The following MRPS18C variants were observed in gnomAD, a reference collection of about 807,000 sequenced individuals.
MRPS18C encodes small ribosomal subunit protein bS18m.
Under a neutral mutation model 21.0 loss-of-function variants are expected in MRPS18C, and 21 were observed. The ratio of observed to expected loss-of-function variants is 1.00; its 90% confidence interval spans 0.71 to 1.44. The LOEUF (loss-of-function observed/expected upper bound fraction) is 1.44, where lower values mean the gene tolerates loss of function less well. Among genes scored for constraint, MRPS18C ranks in the 40% most tolerant of loss-of-function variants. The probability of loss-of-function intolerance (pLI) is 0.00; values close to 1 mark genes in which losing one functional copy is unlikely to be tolerated. For missense variants in MRPS18C, 152 were observed against 171.5 expected, an observed-to-expected ratio of 0.89 and a Z score of 0.64; for synonymous variants, 65 against 54.3, an observed-to-expected ratio of 1.20 and a Z score of -0.87.
At position 83,461,037 on chromosome 4, in the gene MRPS18C, G is replaced by C. The variant is rs750295282; in HGVS notation, c.352+5G>C. 30 of 1,612,798 alleles carry C rather than the reference G, an allele frequency of 1.9e-5. No individual in the cohort carries two copies. The highest frequency in any genetic ancestry group is 1.5e-4 in the South Asian group (14 of 90,940). On this transcript the variant is annotated splice_donor_5th_base_variant and intron_variant, in intron 5 of 5. Coordinates refer to ENST00000295491, the MANE Select transcript of MRPS18C (RefSeq NM_016067.4). ...TTAAGAGAGCTCAAATAATGGGTAA[G>C]AAAGAATACCTCAACAACTGAATTG... is the stretch of plus-strand genomic sequence containing the variant.
At position 83,462,164 on chromosome 4, in the gene MRPS18C, A is replaced by G. The variant is rs2110032413; in HGVS notation, c.*967A>G. 3.1e-5 allele frequency: 10 copies of G among 317,694 alleles called. 1 individual carries two copies. In the South Asian group the frequency reaches 6.4e-4, roughly 20 times the overall value. The allele number at this position is 317,694 out of a possible 1,614,324, so 19.7% of individuals were successfully genotyped here. Reference sequence around the variant, plus strand: ...TGACTTGTCTTCCCTAAGTGCTGGGATTACAGGTGTGAGCCACTGTGCCTG... The same window carrying G: ...TGACTTGTCTTCCCTAAGTGCTGGGGTTACAGGTGTGAGCCACTGTGCCTG... On this transcript the variant is annotated 3_prime_UTR_variant, in exon 6 of 6. Coordinates refer to ENST00000295491, the MANE Select transcript of MRPS18C (RefSeq NM_016067.4).
In MRPS18C at chr4:83,461,340, T is replaced by TA. The variant is rs1722105801; in HGVS notation, c.*145dup. On this transcript the variant is annotated 3_prime_UTR_variant, in exon 6 of 6. Coordinates refer to ENST00000295491, the MANE Select transcript of MRPS18C (RefSeq NM_016067.4). ...ACTTCCCCTTCATACCAATGTCCAT[T>TA]AAGCAGATTGCTTATTTAAAATGTT... The TA allele has an allele frequency of 4.6e-6, 3 of 654,010 alleles. No homozygotes were observed. Among genetic ancestry groups the TA allele is most frequent in the African/African-American group, 1.8e-5 (1 of 55,268 alleles). 40.5% of individuals were successfully genotyped at this position (654,010 alleles called of 1,614,324 possible).
In MRPS18C at chr4:83,461,162, G is replaced by T; in HGVS notation, c.394G>T (p.Asp132Tyr). The change falls in exon 6 of 6, where the codon GAC becomes TAC. Residue 132 changes from aspartate to tyrosine, a missense_variant. Physicochemically the swap from Asp to Tyr is radical, Grantham distance 160 (BLOSUM62 -3). Around this residue, in one of 2 missense-constraint regions of MRPS18C, gnomAD observed 34 missense variants for 67.1 expected, o/e 0.51. Transcript: ENST00000295491. The part of the protein sequence containing the change: ...VTYKDPAYLK[D>Y]PKVCNIRYRE ...ATACAAGGATCCTGCATATCTCAAGGACCCTAAAGTTTGTAACATCAGATA... is the reference window on the plus strand; with the variant it reads ...ATACAAGGATCCTGCATATCTCAAGTACCCTAAAGTTTGTAACATCAGATA... The T allele has an allele frequency of 6.2e-7, 1 of 1,612,962 alleles. No individual in the cohort carries two copies. Among genetic ancestry groups the T allele is most frequent in the South Asian group, 1.1e-5 (1 of 91,006 alleles).
In MRPS18C at chr4:83,459,713, TCCCCTCC is replaced by T; in HGVS notation, c.235-26_235-20del. 1 of 1,591,194 alleles carries T rather than the reference TCCCCTCC, an allele frequency of 6.3e-7. No homozygotes were observed. Among genetic ancestry groups the T allele is most frequent in the Admixed American group, 1.8e-5 (1 of 57,124 alleles). ...GAAATAAATAACAGATACTTTTTTT[TCCCCTCC>T]ACATAAAACTCCAAAACAGCTTTTG... On this transcript the variant is annotated intron_variant, in intron 3 of 5. Coordinates refer to ENST00000295491, the MANE Select transcript of MRPS18C (RefSeq NM_016067.4).
At chr4:83,458,645 T>C (rs1205669062) in intron 3 of MRPS18C, 1 of 405,920 alleles carries the variant, frequency 2.5e-6, no homozygotes, top group South Asian at 3.3e-5. Flanking sequence ...ATTTCCACTC[T>C]GTTTTTTTCA....
At position 83,461,138 on chromosome 4, in the gene MRPS18C, T is replaced by C; in HGVS notation, c.370T>C (p.Tyr124His). 2.5e-6 allele frequency: 4 copies of C among 1,613,634 alleles called. No individual in the cohort carries two copies. The highest frequency in any genetic ancestry group is 3.4e-6 in the Non-Finnish European group (4 of 1,179,858). Residue 124 changes from tyrosine to histidine, a missense_variant, in exon 6 of 6, where the codon TAC becomes CAC. This residue lies in a region of MRPS18C where 34 missense variants were observed against 67.1 expected (regional missense o/e 0.51). Transcript: ENST00000295491. The part of the protein sequence containing the change: ...AQIMGFMPVT[Y>H]KDPAYLKDPK... Reference sequence around the variant, plus strand: ...CTTTACAGGGTTTATGCCAGTTACATACAAGGATCCTGCATATCTCAAGGA... The same window carrying C: ...CTTTACAGGGTTTATGCCAGTTACACACAAGGATCCTGCATATCTCAAGGA...
chr4:83,460,716 C>T (rs575476249), intron 4 of MRPS18C: 46 of 390,198 alleles, frequency 1.2e-4, no homozygotes, highest in African/African-American at 9.4e-4. Flanking sequence ...CCAGCCTGGC[C>T]AATATGGTGA....
In MRPS18C at chr4:83,458,440, G is replaced by C; in HGVS notation, c.234+11G>C. ...TATAAGAATGTACAGGTGAGATCTG[G>C]TTTTACTTCACTATATTTTAGGGTT... On this transcript the variant is annotated intron_variant, in intron 3 of 5. Transcript: ENST00000295491. 1 of 1,556,024 alleles carries C rather than the reference G, an allele frequency of 6.4e-7. No homozygotes were observed. Among genetic ancestry groups the C allele is most frequent in the East Asian group, 2.3e-5 (1 of 43,908 alleles).
intron 4 of MRPS18C, chr4:83,460,398 A>G (rs1243490993): frequency 6.6e-6 from 1 of 152,022 alleles, no homozygotes; most frequent in South Asian, 2.1e-4. Flanking sequence ...CAGGTGATCC[A>G]CCTGCCTAGG....
intron 4 of MRPS18C, 190 bp from the exon 5 acceptor site, chr4:83,460,783 G>A (rs1722066382): frequency 3.6e-6 from 2 of 554,502 alleles, no homozygotes; most frequent in African/African-American, 1.9e-5. Context: ...GTGCATGCCT[G>A]TAATTCCAGT....
intron 1 of MRPS18C, 66 bp from the exon 2 acceptor site, chr4:83,456,843 A>G (rs1244835983): frequency 6.5e-7 from 1 of 1,545,576 alleles, no homozygotes; most frequent in African/African-American, 1.4e-5. Flanking sequence ...CTCCATAAAA[A>G]CAAAAATCTT....
Position 83,462,230 on chromosome 4 carries a change from C to A in MRPS18C, c.*1033C>A. ...TTCTAAAGAATGTGTCTGTGTAAGC[C>A]TTCCCCTCAACAACTTAGTGAAAGG... On this transcript the variant is annotated 3_prime_UTR_variant, in exon 6 of 6. Transcript: ENST00000295491. 1 of 465,956 alleles carries A rather than the reference C, an allele frequency of 2.1e-6. No homozygotes were observed. The highest frequency in any genetic ancestry group is 3.8e-6 in the Non-Finnish European group (1 of 260,998). The allele number at this position is 465,956 out of a possible 1,614,324, so 28.9% of individuals were successfully genotyped here. A position where few individuals can be genotyped will look rare whatever the true frequency, so the allele number is the denominator to read the frequency against.
intron 2 of MRPS18C, 181 bp downstream of exon 2, chr4:83,457,139 T>C: frequency 2.0e-6 from 1 of 507,442 alleles, no homozygotes; most frequent in Non-Finnish European, 3.4e-6. Context: ...ATGAATTGAT[T>C]GTAGTCATGT....
At chr4:83,457,653 C>G (rs998614462) in intron 2 of MRPS18C, 3 of 152,290 alleles carry the variant, frequency 2.0e-5, no homozygotes, top group African/African-American at 7.2e-5. Context: ...CACTTTGTCT[C>G]TAATCAAAGT....
At chr4:83,458,173 C>G in intron 2 of MRPS18C, 173 bp from the exon 3 acceptor site, 3 of 512,052 alleles carry the variant, frequency 5.9e-6, no homozygotes, top group Non-Finnish European at 1.0e-5. Flanking sequence ...CCAGAATCTT[C>G]CCATGCGTTA....
chr4:83,459,624 T>A, intron 3 of MRPS18C, 116 bp from the exon 4 acceptor site: 1 of 838,022 alleles, frequency 1.2e-6, no homozygotes, highest in Middle Eastern at 2.4e-4. Flanking sequence ...TTTTATGAAA[T>A]GTGTCTGAAA....
At chr4:83,456,225 C>T in intron 1 of MRPS18C, 48 bp downstream of exon 1, 11 of 1,540,566 alleles carry the variant, frequency 7.1e-6, no homozygotes, top group Non-Finnish European at 9.0e-6. Context: ...CAGGCATTAA[C>T]CTTAGTCCTA....
At chr4:83,460,741 TAC>T in intron 4 of MRPS18C, 1 of 446,490 alleles carries the variant, frequency 2.2e-6, no homozygotes, top group South Asian at 2.3e-5. Flanking sequence ...CCGTTTCTAC[TAC>T]AAATACAAAA....
intron 1 of MRPS18C, among the ~76,000 whole-genome samples, 170 bp downstream of exon 1, chr4:83,456,347 C>A (rs1201362718): frequency 6.6e-6 from 1 of 152,074 alleles, no homozygotes; most frequent in Non-Finnish European, 1.5e-5. Flanking sequence ...GTCGTCTAAT[C>A]CACTCCTTTA....
Sources: gnomAD v4.1 joint callset for allele counts (sites outside exome capture counted in the v4.1 genomes callset) on GRCh38, gnomAD v4.1.1 for gene constraint, gnomAD v4.1.1 regional missense constraint, MANE v1.5 for transcripts, NCBI Gene and HGNC (gene_info 2026-07-23, HGNC 2026-07-21) for gene names.